The following CYP17A1 variants were observed in gnomAD, a reference collection of about 807,000 sequenced individuals.
CYP17A1 encodes steroid 17-alpha-hydroxylase/17,20 lyase.
In CYP17A1, 27 loss-of-function variants were observed where a neutral mutation model predicts 38.5. That is an observed-to-expected ratio of 0.70 (90% CI 0.52 to 0.97). The LOEUF (loss-of-function observed/expected upper bound fraction) is 0.97. Ranked by LOEUF, CYP17A1 falls within the 50% of genes least tolerant of loss-of-function variation. The pLI is 0.00. For missense variants in CYP17A1, 549 were observed against 645.9 expected (o/e 0.85, Z 1.63); for synonymous variants, 263 against 253.3 (o/e 1.04, Z -0.36).
rs1416990792 is a variant in CYP17A1, at chr10:102,832,671, T to G, written c.979A>C (p.Lys327Gln). 3.7e-6 allele frequency: 6 copies of G among 1,602,762 alleles called. No individual in the cohort carries two copies. Among genetic ancestry groups the G allele is most frequent in the Middle Eastern group, 1.7e-4 (1 of 6,028 alleles). Reference sequence around the variant, plus strand: ...TTCTGGTCAATCTCCTCGTAGAGCTTCTTCTTCACCTGAAGACCAGAGTAG... The same window carrying G: ...TTCTGGTCAATCTCCTCGTAGAGCTGCTTCTTCACCTGAAGACCAGAGTAG... ...FLLHNPQVKK[K>Q]LYEEIDQNVG... Residue 327 changes from lysine to glutamine, a missense_variant, in exon 6 of 8, where the codon AAG becomes CAG. Around this residue, in one of 3 missense-constraint regions of CYP17A1, gnomAD observed 257 missense variants for 307.9 expected, o/e 0.83. Coordinates refer to ENST00000369887, the MANE Select transcript of CYP17A1 (RefSeq NM_000102.4).
intron 1 of CYP17A1, among the ~76,000 whole-genome samples, chr10:102,835,791 G>A (rs1313077610): frequency 6.6e-6 from 1 of 152,200 alleles, no homozygotes; most frequent in East Asian, 1.9e-4. Flanking sequence ...TGAGCTTGTA[G>A]AGGCTGAGGA....
At chr10:102,831,139 A>G (rs1844082967) in intron 7 of CYP17A1, among the ~76,000 whole-genome samples, 154 bp from the exon 8 acceptor site, 1 of 152,246 alleles carries the variant, frequency 6.6e-6, no homozygotes, top group African/African-American at 2.4e-5. Flanking sequence ...GGGGAGAGAT[A>G]CAGCCCTGCT....
Position 102,835,285 on chromosome 10 carries a change from G to A in CYP17A1, c.405C>T (p.Phe135=). 6.2e-7 allele frequency: 1 copy of A among 1,613,504 alleles called. No individual in the cohort carries two copies. Among genetic ancestry groups the A allele is most frequent in the South Asian group, 1.1e-5 (1 of 91,066 alleles). ...RRLAMATFAL[F]KDGDQKLEKI... ...TCTCCAGCTTCTGATCGCCATCCTTGAACAGGGCAAAGGTGGCCATCGCCA... is the reference window on the plus strand; with the variant it reads ...TCTCCAGCTTCTGATCGCCATCCTTAAACAGGGCAAAGGTGGCCATCGCCA... Residue 135 remains phenylalanine, a synonymous_variant, in exon 2 of 8, where the codon TTC becomes TTT. Coordinates refer to ENST00000369887, the MANE Select transcript of CYP17A1 (RefSeq NM_000102.4).
At chr10:102,835,060 T>C in intron 2 of CYP17A1, 46 bp from the exon 3 acceptor site, 2 of 1,258,612 alleles carry the variant, frequency 1.6e-6, no homozygotes, top group Non-Finnish European at 2.3e-6. Context: ...TCAGCACCCT[T>C]ACCCCCTCTC....
At position 102,830,771 on chromosome 10, in the gene CYP17A1, G is replaced by A. The variant is rs147557447; in HGVS notation, c.1458C>T (p.Ile486=). 71 of 1,600,214 alleles carry A rather than the reference G, an allele frequency of 4.4e-5. No individual in the cohort carries two copies. The African/African-American group carries it at 7.6e-4, about 17-fold the overall frequency. Residue 486 remains isoleucine (I), a synonymous_variant, in exon 8 of 8, where the codon ATC becomes ATT. Coordinates refer to ENST00000369887, the MANE Select transcript of CYP17A1 (RefSeq NM_000102.4). This position sits in a 1 kb window ranked among gnomAD's most constrained non-coding sequence, Gnocchi z 4.1. The part of the protein sequence containing the change: ...LEGIPKVVFL[I]DSFKVKIKVR... ...CCTTGATCTTCACTTTGAAAGAGTC[G>A]ATCAGAAAGACCACCTTGGGGATGC...
chr10:102,830,550 G>T lies in CYP17A1; in HGVS notation c.*152C>A. On this transcript the variant is annotated 3_prime_UTR_variant, in exon 8 of 8. Transcript: ENST00000369887. The surrounding 1 kb of genome is among the most constrained non-coding windows in gnomAD (Gnocchi z 4.1). ...GGGACCTTATGGAAAAAAAAAAACT[G>T]TTTATGCACATCACTGGCATTGCCA... 1 of 612,926 alleles carries T rather than the reference G, an allele frequency of 1.6e-6. No individual in the cohort carries two copies. Among genetic ancestry groups the T allele is most frequent in the Admixed American group, 2.8e-5 (1 of 35,640 alleles). 38.0% of individuals were successfully genotyped at this position (612,926 alleles called of 1,614,324 possible).
chr10:102,834,992 C>T lies in CYP17A1; in HGVS notation c.459G>A (p.Leu153=). 16 of 1,601,814 alleles carry T rather than the reference C, an allele frequency of 1.0e-5. No homozygotes were observed. Among genetic ancestry groups the T allele is most frequent in the Non-Finnish European group, 1.4e-5 (16 of 1,172,000 alleles). ...CGTTGTGGGTGGCCAGCATATCACA[C>T]AATGTACTGATTTCCTGACAAACTG... ...EKIICQEIST[L]CDMLATHNGQ... is the part of the protein sequence containing the mutation. The change falls in exon 3 of 8, where the codon TTG becomes TTA. Residue 153 remains leucine (L), a synonymous_variant. Transcript: ENST00000369887.
chr10:102,830,646 T>C lies in CYP17A1; in HGVS notation c.*56A>G. On this transcript the variant is annotated 3_prime_UTR_variant, in exon 8 of 8. Transcript: ENST00000369887. The surrounding 1 kb of genome is among the most constrained non-coding windows in gnomAD (Gnocchi z 4.1). ...GCGGAGAAGGGTGGGGGGTTGTATC[T>C]CTAAATCTGTGTTGTGGGGCCACAT... 2 of 988,776 alleles carry C rather than the reference T, an allele frequency of 2.0e-6. No individual in the cohort carries two copies. The highest frequency in any genetic ancestry group is 2.7e-5 in the South Asian group (2 of 73,982). The allele number at this position is 988,776 out of a possible 1,614,324, so 61.3% of individuals were successfully genotyped here.
Position 102,833,206 on chromosome 10 carries a change from C to A in CYP17A1, c.756G>T (p.Glu252Asp), listed in dbSNP as rs1426141198. 1.9e-6 allele frequency: 3 copies of A among 1,614,090 alleles called. No individual in the cohort carries two copies. Among genetic ancestry groups the A allele is most frequent in the Non-Finnish European group, 1.7e-6 (2 of 1,180,022 alleles). ...LLNKILENYK[E>D]KFRSDSITNM... ...TGGTGATAGAGTCACTCCGGAATTT[C>A]TCCTGGGTTGGGTGAGGTTGGGAGA... Residue 252 changes from glutamate (E) to aspartate (D), a missense_variant and splice_region_variant, in exon 5 of 8, where the codon GAG becomes GAT. Coordinates refer to ENST00000369887, the MANE Select transcript of CYP17A1 (RefSeq NM_000102.4).
chr10:102,832,763 A>T, intron 5 of CYP17A1, 83 bp from the exon 6 acceptor site: 1 of 1,251,132 alleles, frequency 8.0e-7, no homozygotes, highest in Admixed American at 1.7e-5. Context: ...CAACTGTGAC[A>T]TCGAGAAGAG....
rs1313996702 is a variant in CYP17A1, at chr10:102,830,691, A to C, written c.*11T>G. On this transcript the variant is annotated 3_prime_UTR_variant, in exon 8 of 8. Transcript: ENST00000369887. This position sits in a 1 kb window ranked among gnomAD's most constrained non-coding sequence, Gnocchi z 4.1. Reference sequence around the variant, plus strand: ...CCACATAGGGTGGACAGGGGCTGTGAGTTACAGCCTTTAGGTGCTACCCTC... The same window carrying C: ...CCACATAGGGTGGACAGGGGCTGTGCGTTACAGCCTTTAGGTGCTACCCTC... The C allele has an allele frequency of 6.6e-7, 1 of 1,516,662 alleles. No homozygotes were observed. The highest frequency in any genetic ancestry group is 9.1e-7 in the Non-Finnish European group (1 of 1,096,604). The allele number at this position is 1,516,662 out of a possible 1,614,324, so 94.0% of individuals were successfully genotyped here. A position where few individuals can be genotyped will look rare whatever the true frequency, so the allele number is the denominator to read the frequency against.
rs61754277 is a variant in CYP17A1, at chr10:102,832,698, T to C, written c.970-18A>G. 3.9e-4 allele frequency: 610 copies of C among 1,558,224 alleles called. 2 individuals carry two copies. The highest frequency in any genetic ancestry group is 2.5e-3 in the Admixed American group (150 of 59,966). On this transcript the variant is annotated intron_variant, in intron 5 of 7. Coordinates refer to ENST00000369887, the MANE Select transcript of CYP17A1 (RefSeq NM_000102.4). Reference sequence around the variant, plus strand: ...TTCTTCACCTGAAGACCAGAGTAGGTTGGAGGTGACTAGTGTGTGTAAGCC... The same window carrying C: ...TTCTTCACCTGAAGACCAGAGTAGGCTGGAGGTGACTAGTGTGTGTAAGCC...
intron 7 of CYP17A1, 34 bp downstream of exon 7, chr10:102,831,474 G>T: frequency 6.2e-7 from 1 of 1,612,638 alleles, no homozygotes. Flanking sequence ...CAGGCTCGCT[G>T]TGTGGCCCAG....
rs1177497362 is a variant in CYP17A1, at chr10:102,833,458, G to GT, written c.754-251dup. The GT allele has an allele frequency of 0.21, 75,850 of 362,892 alleles. 7 individuals carry two copies. The highest frequency in any genetic ancestry group is 0.31 in the South Asian group (12,032 of 38,528). The allele number at this position is 362,892 out of a possible 1,614,324, so 22.5% of individuals were successfully genotyped here. ...TTTTCGATCCCAACTCCTTGAGTCAGTTTTTTTTTTTTTTTTGAGACAGAA... is the reference window on the plus strand; with the variant it reads ...TTTTCGATCCCAACTCCTTGAGTCAGTTTTTTTTTTTTTTTTTGAGACAGAA... On this transcript the variant is annotated intron_variant, in intron 4 of 7. Coordinates refer to ENST00000369887, the MANE Select transcript of CYP17A1 (RefSeq NM_000102.4).
chr10:102,837,024 G>A, intron 1 of CYP17A1, 41 bp downstream of exon 1: 3 of 1,184,738 alleles, frequency 2.5e-6, no homozygotes, highest in Non-Finnish European at 3.8e-6. Context: ...ACAATCCCAG[G>A]GGGTGGTGAA....
chr10:102,835,025 A>G lies in CYP17A1; in HGVS notation c.437-11T>C. ...TGATTTCCTGACAAACTGAAGGGAG[A>G]GGGGGCATGAGGGTGGGAAATGAAT... On this transcript the variant is annotated splice_polypyrimidine_tract_variant and intron_variant, in intron 2 of 7. Coordinates refer to ENST00000369887, the MANE Select transcript of CYP17A1 (RefSeq NM_000102.4). 1 of 1,491,422 alleles carries G rather than the reference A, an allele frequency of 6.7e-7. No homozygotes were observed. The highest frequency in any genetic ancestry group is 9.3e-7 in the Non-Finnish European group (1 of 1,076,266). The allele number at this position is 1,491,422 out of a possible 1,614,324, so 92.4% of individuals were successfully genotyped here.
chr10:102,836,939 C>T lies in CYP17A1; in HGVS notation c.297+126G>A, dbSNP rs61754266. 11 of 765,622 alleles carry T rather than the reference C, an allele frequency of 1.4e-5. No homozygotes were observed. In the African/African-American group the frequency reaches 1.7e-4, roughly 12 times the overall value. The allele number at this position is 765,622 out of a possible 1,614,324, so 47.4% of individuals were successfully genotyped here. ...AAGGTTCACTCCCTTCACATCATCC[C>T]ACTAGTCTACTTTGGGAAGAATTAC... On this transcript the variant is annotated intron_variant, in intron 1 of 7. Coordinates refer to ENST00000369887, the MANE Select transcript of CYP17A1 (RefSeq NM_000102.4).
chr10:102,833,422 C>A, intron 4 of CYP17A1: 6 of 767,014 alleles, frequency 7.8e-6, no homozygotes, highest in Non-Finnish European at 1.2e-5. Flanking sequence ...GGATCCTCTT[C>A]AGTTCCTCAC....
At chr10:102,835,229 C>CCCCAGT (rs770495392) in intron 2 of CYP17A1, 25 bp downstream of exon 2, 1 of 1,604,474 alleles carries the variant, frequency 6.2e-7, no homozygotes, top group East Asian at 2.2e-5. Flanking sequence ...CCAGCCCCAG[C>CCCCAGT]CCCAGGGGCC....
Sources: gnomAD v4.1 joint callset for allele counts (sites outside exome capture counted in the v4.1 genomes callset) on GRCh38, gnomAD v4.1.1 for gene constraint, gnomAD v4.1.1 regional missense constraint, Gnocchi (gnomAD v3.1) non-coding constraint, MANE v1.5 for transcripts, NCBI Gene and HGNC (gene_info 2026-07-23, HGNC 2026-07-21) for gene names.